The following MYH4 variants were observed in gnomAD, a reference collection of about 807,000 sequenced individuals.
MYH4 encodes myosin heavy chain 4, also known as myosin-4.
Under a neutral mutation model 229.9 loss-of-function variants are expected in MYH4, and 200 were observed. The ratio of observed to expected loss-of-function variants is 0.87; its 90% CI spans 0.78 to 0.98. MYH4 has a LOEUF of 0.98. MYH4 is among the 50% of genes least tolerant of loss of function. The pLI is 0.00. For synonymous variants in MYH4, 761 were observed against 834.6 expected (o/e 0.91, Z 1.52); for missense variants, 2,148 against 2,332.6 (o/e 0.92, Z 1.63).
At chr17:10,445,388 A>AGAAGT (rs540556257) in intron 35 of MYH4, 26 bp from the exon 36 acceptor site, 7 of 1,612,498 alleles carry the variant, frequency 4.3e-6, no homozygotes, top group South Asian at 1.1e-5. Context: ...GAAAGAGAAG[A>AGAAGT]GAAGCACATT....
intron 11 of MYH4, among the ~76,000 whole-genome samples, chr17:10,462,355 A>T (rs1056635721): frequency 1.3e-5 from 2 of 152,180 alleles, no homozygotes; most frequent in African/African-American, 4.8e-5. Context: ...CCCCAAAATG[A>T]GTGTTTTTGA....
Position 10,448,378 on chromosome 17 carries a change from AGCAAAT to A in MYH4, c.4656+12_4656+17del. The A allele has an allele frequency of 1.9e-6, 3 of 1,605,086 alleles. No individual in the cohort carries two copies. Among genetic ancestry groups the A allele is most frequent in the Non-Finnish European group, 2.5e-6 (3 of 1,177,372 alleles). ...TCAATTTATTTATAATGCAGAGCTA[AGCAAAT>A]GAAAAATGTACCTCTGCTTCCTCTA... On this transcript the variant is annotated intron_variant, in intron 33 of 39. Coordinates refer to ENST00000255381, the MANE Select transcript of MYH4 (RefSeq NM_017533.2).
At chr17:10,465,819 G>T (rs921827425) in intron 4 of MYH4, among the ~76,000 whole-genome samples, 2 of 126,556 alleles carry the variant, frequency 1.6e-5, no homozygotes, top group African/African-American at 3.0e-5. Flanking sequence ...CTGTCGCCCA[G>T]GCTGGAGTGC....
In MYH4 at chr17:10,443,776, A is replaced by T. The variant is rs1200720457; in HGVS notation, c.5668-249T>A. 6.6e-6 allele frequency among the ~76,000 whole-genome samples: 1 copy of T among 152,064 alleles called. No individual in the cohort carries two copies. The highest frequency in any genetic ancestry group is 1.9e-4 in the East Asian group (1 of 5,180). On this transcript the variant is annotated intron_variant, in intron 39 of 39. Coordinates refer to ENST00000255381, the MANE Select transcript of MYH4 (RefSeq NM_017533.2). This position sits in a 1 kb window ranked among gnomAD's most constrained non-coding sequence, Gnocchi z 4.6. Reference sequence around the variant, plus strand: ...ATCTTTACTAAAATTAGCCCAGCGTAGTGGTGGATGCCTGTAATTCCAGCT... The same window carrying T: ...ATCTTTACTAAAATTAGCCCAGCGTTGTGGTGGATGCCTGTAATTCCAGCT...
In MYH4 at chr17:10,447,049, C is replaced by T; in HGVS notation, c.5133G>A (p.Leu1711=). 2 of 1,614,128 alleles carry T rather than the reference C, an allele frequency of 1.2e-6. No homozygotes were observed. The highest frequency in any genetic ancestry group is 1.7e-6 in the Non-Finnish European group (2 of 1,180,016). Residue 1711 remains leucine (L), a synonymous_variant, in exon 35 of 40, where the codon CTG becomes CTA. Coordinates refer to ENST00000255381, the MANE Select transcript of MYH4 (RefSeq NM_017533.2). The stretch of plus-strand genomic sequence containing the variant: ...GAAGTTGCACACGTTCACTGGCATC[C>T]AGAAGCTCTTGCTCTGCCATTTTCC... ...RGRKMAEQEL[L]DASERVQLLH...
intron 28 of MYH4, among the ~76,000 whole-genome samples, chr17:10,451,123 G>A (rs942063850): frequency 1.3e-5 from 2 of 152,170 alleles, no homozygotes; most frequent in Non-Finnish European, 2.9e-5. Context: ...AAAATCTCCT[G>A]AGCCCAGGGA....
intron 23 of MYH4, 60 bp from the exon 24 acceptor site, chr17:10,453,388 A>T: frequency 1.2e-6 from 2 of 1,612,280 alleles, no homozygotes; most frequent in South Asian, 2.2e-5. Flanking sequence ...GATGAAAAAC[A>T]TGATGCTGTA....
At chr17:10,455,479 T>C in intron 19 of MYH4, 135 bp downstream of exon 19, 3 of 1,354,192 alleles carry the variant, frequency 2.2e-6, no homozygotes, top group Non-Finnish European at 3.0e-6. Context: ...AATATAAACC[T>C]AAGCTTCTTT....
Position 10,463,389 on chromosome 17 carries a change from T to C in MYH4, c.754A>G (p.Arg252Gly). The C allele has an allele frequency of 6.2e-7, 1 of 1,612,762 alleles. No individual in the cohort carries two copies. The change falls in exon 9 of 40, where the codon AGG becomes GGG. Residue 252 changes from arginine to glycine, a missense_variant. Transcript: ENST00000255381. ...DNSSRFGKFI[R>G]IHFGATGKLA... ...TTGCCTGTGGCACCAAAATGGATCCTGATGAATTTACCCTTAAAAAAGAAA... is the reference window on the plus strand; with the variant it reads ...TTGCCTGTGGCACCAAAATGGATCCCGATGAATTTACCCTTAAAAAAGAAA...
rs2072482110 is a variant in MYH4 at position 10,443,788 on chromosome 17, C to T, written c.5668-261G>A. Reference sequence around the variant, plus strand: ...ATTAGCCCAGCGTAGTGGTGGATGCCTGTAATTCCAGCTACTCAGGAGGCT... The same window carrying T: ...ATTAGCCCAGCGTAGTGGTGGATGCTTGTAATTCCAGCTACTCAGGAGGCT... On this transcript the variant is annotated intron_variant, in intron 39 of 39. Coordinates refer to ENST00000255381, the MANE Select transcript of MYH4 (RefSeq NM_017533.2). The surrounding 1 kb of genome is among the most constrained non-coding windows in gnomAD (Gnocchi z 4.6). Among the ~76,000 whole-genome samples, 1 of 151,954 alleles carries T rather than the reference C, an allele frequency of 6.6e-6. No homozygotes were observed.
rs765813801 is a variant in MYH4 at position 10,450,784 on chromosome 17, T to C, written c.3977A>G (p.Glu1326Gly). ...CAGCTGGAGAATTCTCACCTTAGTC[T>C]CCTCTTCTAGCTGCCTCTTTAATTC... ...IEELKRQLEE[E>G]TKAKSTLAHA... Residue 1326 changes from glutamate to glycine, a missense_variant, in exon 29 of 40, where the codon GAG (glutamate) becomes GGG (glycine). Coordinates refer to ENST00000255381, the MANE Select transcript of MYH4 (RefSeq NM_017533.2). 1 of 1,613,478 alleles carries C rather than the reference T, an allele frequency of 6.2e-7. No homozygotes were observed. Among genetic ancestry groups the C allele is most frequent in the African/African-American group, 1.3e-5 (1 of 75,052 alleles).
intron 36 of MYH4, 27 bp downstream of exon 36, chr17:10,445,210 A>G: frequency 6.2e-7 from 1 of 1,614,186 alleles, no homozygotes; most frequent in East Asian, 2.2e-5. Context: ...TGCATGTGTC[A>G]GTAAGACAAA....
chr17:10,459,375 A>G lies in MYH4; in HGVS notation c.1463T>C (p.Leu488Pro), dbSNP rs904930005. The change falls in exon 15 of 40, where the codon CTG (leucine) becomes CCG (proline). Residue 488 changes from leucine (L) to proline (P), a missense_variant. By Grantham distance (98) the Leu-to-Pro change is moderately conservative (BLOSUM62 -3). Coordinates refer to ENST00000255381, the MANE Select transcript of MYH4 (RefSeq NM_017533.2). ...QLCINFTNEK[L>P]QQFFNHHMFV... ...CATGTGGTGGTTGAAAAACTGTTGC[A>G]GTTTCTCGTTGGTGAAGTTGATGCA... 1.2e-6 allele frequency: 2 copies of G among 1,613,886 alleles called. No homozygotes were observed. Among genetic ancestry groups the G allele is most frequent in the African/African-American group, 1.3e-5 (1 of 74,868 alleles).
In MYH4 at chr17:10,452,346, C is replaced by G. The variant is rs1415024914; in HGVS notation, c.3349-16G>C. 4.3e-6 allele frequency: 7 copies of G among 1,613,992 alleles called. No homozygotes were observed. The highest frequency in any genetic ancestry group is 5.9e-6 in the Non-Finnish European group (7 of 1,180,020). ...CAATGCGGGCCTGGTTGTGATATGT[C>G]AACATTAATGTGAATTTATGTCAGT... On this transcript the variant is annotated splice_polypyrimidine_tract_variant and intron_variant, in intron 26 of 39. Transcript: ENST00000255381.
chr17:10,452,564 A>G (rs2072589598), intron 25 of MYH4, 58 bp from the exon 26 acceptor site: 8 of 1,538,444 alleles, frequency 5.2e-6, no homozygotes, highest in East Asian at 2.3e-5. Flanking sequence ...CTTCTTTTCT[A>G]TGTATAATCT....
rs1196341378 is a variant in MYH4, at chr17:10,452,854, T to G, written c.3190A>C (p.Lys1064Gln). The change falls in exon 25 of 40, where the codon AAA becomes CAA. Residue 1064 changes from lysine to glutamine, a missense_variant. Transcript: ENST00000255381. ...RAKRKLEGDLKLAQESTMDTE... is the reference protein window; with the variant it reads ...RAKRKLEGDLQLAQESTMDTE... ...TCCATTGTGGATTCTTGGGCCAATT[T>G]TAGGTCACCCTCCAGTTTTCTCTTG... 26 of 1,609,054 alleles carry G rather than the reference T, an allele frequency of 1.6e-5. No homozygotes were observed. Among genetic ancestry groups the G allele is most frequent in the Non-Finnish European group, 2.1e-5 (25 of 1,179,216 alleles).
chr17:10,460,878 A>G (rs954010467), intron 12 of MYH4, 38 bp downstream of exon 12: 35 of 1,610,728 alleles, frequency 2.2e-5, no homozygotes, highest in Non-Finnish European at 2.7e-5. Flanking sequence ...TCACTATGTC[A>G]GCTTTGTCAA....
At chr17:10,448,259 A>G in intron 33 of MYH4, 133 bp from the exon 34 acceptor site, 1 of 1,308,008 alleles carries the variant, frequency 7.6e-7, no homozygotes, top group South Asian at 1.5e-5. Context: ...TTAGCTCTGC[A>G]TTCTCAAGGT....
chr17:10,454,965 T>G lies in MYH4; in HGVS notation c.2411A>C (p.Glu804Ala). Reference sequence around the variant, plus strand: ...CCTCCTCTCCATCATCTTTCTGAACTCCACTCTCATCAGGAACCCTCTGCA... The same window carrying G: ...CCTCCTCTCCATCATCTTTCTGAACGCCACTCTCATCAGGAACCCTCTGCA... ...AICRGFLMRV[E>A]FRKMMERRES... is the part of the protein sequence containing the mutation. The change falls in exon 21 of 40, where the codon GAG becomes GCG. Residue 804 changes from glutamate (E) to alanine (A), a missense_variant. By Grantham distance (107) the Glu-to-Ala change is moderately radical. Coordinates refer to ENST00000255381, the MANE Select transcript of MYH4 (RefSeq NM_017533.2). 1 of 1,614,188 alleles carries G rather than the reference T, an allele frequency of 6.2e-7. No homozygotes were observed. The highest frequency in any genetic ancestry group is 8.5e-7 in the Non-Finnish European group (1 of 1,180,034).
Sources: gnomAD v4.1 joint callset for allele counts (sites outside exome capture counted in the v4.1 genomes callset) on GRCh38, gnomAD v4.1.1 for gene constraint, Gnocchi (gnomAD v3.1) non-coding constraint, MANE v1.5 for transcripts, NCBI Gene and HGNC (gene_info 2026-07-23, HGNC 2026-07-21) for gene names.